The following TIMM22 variants were observed in gnomAD, a reference collection of about 807,000 sequenced individuals.
TIMM22 encodes translocase of inner mitochondrial membrane 22, also known as mitochondrial import inner membrane translocase subunit Tim22.
A neutral mutation model predicts 18.3 loss-of-function variants in TIMM22; 12 were observed. The observed-to-expected ratio is 0.65, with a 90% CI of 0.42 to 1.06. The LOEUF (loss-of-function observed/expected upper bound fraction) is 1.06. Among genes scored for constraint, TIMM22 ranks in the 50% least tolerant of loss-of-function variants. TIMM22 has a pLI of 0.00. For missense variants in TIMM22, 278 were observed against 252.8 expected (o/e 1.10, Z -0.68); for synonymous variants, 107 against 98.5 (o/e 1.09, Z -0.51).
chr17:999,758 G>A (rs933965032), intron 3 of TIMM22, among the ~76,000 whole-genome samples, 174 bp downstream of exon 3: 10 of 151,958 alleles, frequency 6.6e-5, no homozygotes, highest in African/African-American at 1.7e-4. Flanking sequence ...TCTAGATGAG[G>A]GTTTCCCATC....
intron 1 of TIMM22, 78 bp downstream of exon 1, chr17:997,458 C>A: frequency 7.0e-7 from 1 of 1,427,392 alleles, no homozygotes; most frequent in Non-Finnish European, 9.5e-7. Flanking sequence ...AGACCACGCG[C>A]CTGGGAGGCG....
In TIMM22 at chr17:1,001,163, C is replaced by A; in HGVS notation, c.*75C>A. The stretch of plus-strand genomic sequence containing the variant: ...TCTCTGGAGGACAGTTTCTGTACCA[C>A]ACCAGGGCCTTGCTTCAGGGCCTGA... On this transcript the variant is annotated 3_prime_UTR_variant, in exon 4 of 4. Transcript: ENST00000327158. The A allele has an allele frequency of 1.3e-6, 2 of 1,498,040 alleles. No individual in the cohort carries two copies. Among genetic ancestry groups the A allele is most frequent in the Non-Finnish European group, 1.9e-6 (2 of 1,077,862 alleles). 92.8% of individuals were successfully genotyped at this position (1,498,040 alleles called of 1,614,324 possible).
rs778913213 is a variant in TIMM22, at chr17:999,601, C to T, written c.508+17C>T. 44 of 1,611,554 alleles carry T rather than the reference C, an allele frequency of 2.7e-5. No individual in the cohort carries two copies. In the Admixed American group the frequency reaches 4.2e-4, roughly 15 times the overall value. Reference sequence around the variant, plus strand: ...GTTTCAGAGGTTAGTAAACGGCTCTCGAATGCTTTTTCTTTGTGGCCTTGG... The same window carrying T: ...GTTTCAGAGGTTAGTAAACGGCTCTTGAATGCTTTTTCTTTGTGGCCTTGG... On this transcript the variant is annotated intron_variant, in intron 3 of 3. Transcript: ENST00000327158.
intron 1 of TIMM22, among the ~76,000 whole-genome samples, chr17:998,025 AT>A (rs1425339024): frequency 1.3e-5 from 2 of 152,186 alleles, no homozygotes; most frequent in Non-Finnish European, 2.9e-5. Flanking sequence ...ATGCAGACAT[AT>A]GGAAATGCAC....
Position 1,002,332 on chromosome 17 carries a change from T to C in TIMM22, c.*1244T>C. 6.6e-6 allele frequency: 1 copy of C among 152,324 alleles called. No homozygotes were observed. The highest frequency in any genetic ancestry group is 1.5e-5 in the Non-Finnish European group (1 of 68,076). The allele number at this position is 152,324 out of a possible 1,614,324, so 9.4% of individuals were successfully genotyped here. On this transcript the variant is annotated 3_prime_UTR_variant, in exon 4 of 4. Coordinates refer to ENST00000327158, the MANE Select transcript of TIMM22 (RefSeq NM_013337.4). ...CTTCAGCCAGTGGTGATGAGTCTCC[T>C]TTTTCCTATAATACGGTAATTCCTC...
chr17:997,362 G>C lies in TIMM22; in HGVS notation c.220G>C (p.Ala74Pro), dbSNP rs757058734. Residue 74 changes from alanine (A) to proline (P), a missense_variant, in exon 1 of 4, where the codon GCG becomes CCG. Physicochemically the swap from Ala to Pro is conservative, Grantham distance 27 (BLOSUM62 -1). Coordinates refer to ENST00000327158, the MANE Select transcript of TIMM22 (RefSeq NM_013337.4). ...GATGGAAAGCTGCGCTTTCAAGGCT[G>C]CGCTGGCCTGCGTGGGAGGTGAGGC... Reference protein sequence around the residue: ...KAMESCAFKAALACVGGFVLG... With the variant: ...KAMESCAFKAPLACVGGFVLG... 50 of 1,613,066 alleles carry C rather than the reference G, an allele frequency of 3.1e-5. No individual in the cohort carries two copies. Among genetic ancestry groups the C allele is most frequent in the Non-Finnish European group, 4.0e-5 (47 of 1,179,678 alleles).
Position 1,002,787 on chromosome 17 carries a change from C to T in TIMM22, c.*1699C>T, listed in dbSNP as rs886867884. On this transcript the variant is annotated 3_prime_UTR_variant, in exon 4 of 4. Transcript: ENST00000327158. ...TGGGATCTTCCATCTTTCAGTCTAGCACGTGGGACCAAATACAAGAGATGC... is the reference window on the plus strand; with the variant it reads ...TGGGATCTTCCATCTTTCAGTCTAGTACGTGGGACCAAATACAAGAGATGC... The T allele has an allele frequency of 2.6e-5, 4 of 152,186 alleles. No individual in the cohort carries two copies. Among genetic ancestry groups the T allele is most frequent in the Non-Finnish European group, 5.9e-5 (4 of 68,062 alleles). 9.4% of individuals were successfully genotyped at this position (152,186 alleles called of 1,614,324 possible).
chr17:999,358 T>TATATATATATATATATACACATATATAC (rs1408779709), intron 2 of TIMM22, among the ~76,000 whole-genome samples, 154 bp from the exon 3 acceptor site: 1 of 132,588 alleles, frequency 7.5e-6, no homozygotes, highest in African/African-American at 3.2e-5. Flanking sequence ...TATATATATA[T>TATATATATATATATATACACATATATAC]ACACGCTGTA....
chr17:1,000,960 C>G, intron 3 of TIMM22, 52 bp from the exon 4 acceptor site: 1 of 1,604,858 alleles, frequency 6.2e-7, no homozygotes, highest in Non-Finnish European at 8.5e-7. Context: ...GTGAGTGCCT[C>G]GTGACCCAGC....
At chr17:999,902 C>T (rs1331749218) in intron 3 of TIMM22, among the ~76,000 whole-genome samples, 10 of 147,880 alleles carry the variant, frequency 6.8e-5, no homozygotes, top group Admixed American at 6.1e-4. Flanking sequence ...GTTGTAACAA[C>T]TTTTTTTTTT....
In TIMM22 at chr17:1,000,729, C is replaced by T. The variant is rs572842606; in HGVS notation, c.509-283C>T. ...AAGGCCATATGCTTTCATTTGATTC[C>T]GAGGGCTGCTTCTCTCAACCAGTTT... On this transcript the variant is annotated intron_variant, in intron 3 of 3. Transcript: ENST00000327158. Among the ~76,000 whole-genome samples the T allele has an allele frequency of 7.9e-5, 12 of 152,190 alleles. 1 individual carries two copies. The highest frequency in any genetic ancestry group is 4.1e-4 in the South Asian group (2 of 4,836).
chr17:1,001,206 C>T lies in TIMM22; in HGVS notation c.*118C>T, dbSNP rs1323733737. On this transcript the variant is annotated 3_prime_UTR_variant, in exon 4 of 4. Coordinates refer to ENST00000327158, the MANE Select transcript of TIMM22 (RefSeq NM_013337.4). Reference sequence around the variant, plus strand: ...GGGCCTGAAGACATTCATTTTCCCTCATGTCGTTGGTATTCTGAGGGAGCT... The same window carrying T: ...GGGCCTGAAGACATTCATTTTCCCTTATGTCGTTGGTATTCTGAGGGAGCT... 13 of 1,159,136 alleles carry T rather than the reference C, an allele frequency of 1.1e-5. No homozygotes were observed. In the East Asian group the frequency reaches 3.1e-4, roughly 28 times the overall value. The allele number at this position is 1,159,136 out of a possible 1,614,324, so 71.8% of individuals were successfully genotyped here. A position where few individuals can be genotyped will look rare whatever the true frequency, so the allele number is the denominator to read the frequency against.
In TIMM22 at chr17:1,003,488, A is replaced by T. The variant is rs2069806071; in HGVS notation, c.*2400A>T. ...TTTACATTGGTGGCTTCCCTGGACC[A>T]CCGCGAACACAAACATCCACACCAC... is the stretch of plus-strand genomic sequence containing the variant. On this transcript the variant is annotated 3_prime_UTR_variant, in exon 4 of 4. Transcript: ENST00000327158. The T allele has an allele frequency of 6.6e-6, 1 of 152,664 alleles. No individual in the cohort carries two copies. 9.5% of individuals were successfully genotyped at this position (152,664 alleles called of 1,614,324 possible). A position where few individuals can be genotyped will look rare whatever the true frequency, so the allele number is the denominator to read the frequency against.
Position 997,163 on chromosome 17 carries a change from T to A in TIMM22, c.21T>A (p.Asn7Lys). Residue 7 changes from asparagine (N) to lysine (K), a missense_variant, in exon 1 of 4, where the codon AAT becomes AAA. Transcript: ENST00000327158. MAAAAPNAGGSAPETAG... is the reference protein window; with the variant it reads MAAAAPKAGGSAPETAG... Reference sequence around the variant, plus strand: ...CTGTCATGGCGGCGGCCGCCCCCAATGCCGGAGGCTCGGCCCCTGAGACAG... The same window carrying A: ...CTGTCATGGCGGCGGCCGCCCCCAAAGCCGGAGGCTCGGCCCCTGAGACAG... The A allele has an allele frequency of 1.2e-6, 2 of 1,609,542 alleles. No homozygotes were observed. The highest frequency in any genetic ancestry group is 1.7e-6 in the Non-Finnish European group (2 of 1,179,008).
intron 2 of TIMM22, among the ~76,000 whole-genome samples, chr17:999,275 G>T (rs1361502804): frequency 6.8e-6 from 1 of 146,352 alleles, no homozygotes; most frequent in Non-Finnish European, 1.5e-5. Context: ...TGCTGGGCTT[G>T]GTTTCAGCAC....
At position 999,506 on chromosome 17, in the gene TIMM22, C is replaced by T. The variant is rs769284037; in HGVS notation, c.436-6C>T. Reference sequence around the variant, plus strand: ...TTGGCTCTAACGTGTACTTCCCTGCCCACAGTACCGGGGAACATCAGACTG... The same window carrying T: ...TTGGCTCTAACGTGTACTTCCCTGCTCACAGTACCGGGGAACATCAGACTG... On this transcript the variant is annotated splice_polypyrimidine_tract_variant and splice_region_variant and intron_variant, in intron 2 of 3. Transcript: ENST00000327158. 1.9e-6 allele frequency: 3 copies of T among 1,613,082 alleles called. No individual in the cohort carries two copies. Among genetic ancestry groups the T allele is most frequent in the South Asian group, 2.2e-5 (2 of 90,914 alleles).
chr17:999,454 CTTAATGGTCTGCCTTGGCTTG>C, intron 2 of TIMM22, 37 bp from the exon 3 acceptor site: 1 of 1,584,614 alleles, frequency 6.3e-7, no homozygotes, highest in Non-Finnish European at 8.6e-7. Context: ...TGTATTCCTC[CTTAATGGTCTGCCTTGGCTTG>C]TTTCTTTGGC....
At chr17:1,000,378 G>C (rs2069732343) in intron 3 of TIMM22, among the ~76,000 whole-genome samples, 4 of 150,872 alleles carry the variant, frequency 2.7e-5, no homozygotes, top group African/African-American at 9.8e-5. Context: ...TCTCCCCGTT[G>C]GCATGTCCAT....
In TIMM22 at chr17:1,002,992, C is replaced by G. The variant is rs1429569878; in HGVS notation, c.*1904C>G. 1 of 152,110 alleles carries G rather than the reference C, an allele frequency of 6.6e-6. No individual in the cohort carries two copies. Among genetic ancestry groups the G allele is most frequent in the East Asian group, 1.9e-4 (1 of 5,184 alleles). The allele number at this position is 152,110 out of a possible 1,614,324, so 9.4% of individuals were successfully genotyped here. ...ACAGCAATTTTCAGAGACATCTGTTCCTGATCTTCAGAATAAACTCAGTGT... is the reference window on the plus strand; with the variant it reads ...ACAGCAATTTTCAGAGACATCTGTTGCTGATCTTCAGAATAAACTCAGTGT... On this transcript the variant is annotated 3_prime_UTR_variant, in exon 4 of 4. Transcript: ENST00000327158.
Sources: allele counts gnomAD v4.1 joint callset (sites outside exome capture counted in the v4.1 genomes callset), GRCh38; gene constraint gnomAD v4.1.1; transcripts MANE v1.5; gene names NCBI Gene and HGNC (gene_info 2026-07-23, HGNC 2026-07-21).